TAF3: variants seen among roughly 807,000 people sequenced by gnomAD.
TAF3 encodes transcription initiation factor TFIID subunit 3.
Under a neutral mutation model 80.6 loss-of-function variants are expected in TAF3, and 7 were observed. That is an observed-to-expected ratio of 0.09 (90% confidence interval 0.05 to 0.16). The LOEUF (loss-of-function observed/expected upper bound fraction) is 0.16. Among genes scored for constraint, TAF3 ranks in the 10% least tolerant of loss-of-function variants. TAF3 has a pLI of 1.00. For synonymous variants in TAF3, 444 were observed against 446.1 expected (o/e 1.00, Z 0.06); for missense variants, 921 against 1,140.2 (o/e 0.81, Z 2.77).
chr10:7,861,654 A>G (rs1331297279), intron 2 of TAF3, among the ~76,000 whole-genome samples: 1 of 152,172 alleles, frequency 6.6e-6, no homozygotes, highest in African/African-American at 2.4e-5. Flanking sequence ...TGTTTCTGAT[A>G]AGAAGTCAGA....
intron 2 of TAF3, among the ~76,000 whole-genome samples, chr10:7,898,545 CAAAAAAAAAAAAAA>C (rs35137273): frequency 4.2e-5 from 4 of 96,206 alleles, no homozygotes; most frequent in Admixed American, 1.1e-4. Context: ...GACTCTGTCT[CAAAAAAAAAAAAAA>C]AAAAAAAAAA....
intron 2 of TAF3, among the ~76,000 whole-genome samples, chr10:7,888,019 T>C (rs1837425187): frequency 6.6e-6 from 1 of 152,308 alleles, no homozygotes; most frequent in East Asian, 1.9e-4. Context: ...TTGTGGTGAA[T>C]GTCACCCATC....
At chr10:7,939,474 CA>C (rs1837955974) in intron 2 of TAF3, among the ~76,000 whole-genome samples, 2 of 152,068 alleles carry the variant, frequency 1.3e-5, no homozygotes, top group African/African-American at 4.8e-5. Context: ...TCCAGCGACT[CA>C]CGCTTAAACA....
At chr10:7,874,760 A>G (rs1365528718) in intron 2 of TAF3, among the ~76,000 whole-genome samples, 9 of 151,794 alleles carry the variant, frequency 5.9e-5, no homozygotes, top group Admixed American at 1.3e-4. Context: ...TGAAATGTAG[A>G]TTGCATTTCT....
intron 2 of TAF3, among the ~76,000 whole-genome samples, chr10:7,877,733 G>T (rs992295750): frequency 6.7e-6 from 1 of 149,648 alleles, no homozygotes; most frequent in Non-Finnish European, 1.5e-5. Context: ...TTGTGATGAA[G>T]TGACTTGGCC....
At chr10:7,880,155 C>G (rs1837347066) in intron 2 of TAF3, among the ~76,000 whole-genome samples, 2 of 152,164 alleles carry the variant, frequency 1.3e-5, no homozygotes, top group African/African-American at 4.8e-5. Context: ...GGGAGAATCA[C>G]CTGAGCCCGG....
intron 1 of TAF3, among the ~76,000 whole-genome samples, chr10:7,820,754 C>T (rs1313521707): frequency 6.6e-6 from 1 of 152,234 alleles, no homozygotes; most frequent in Non-Finnish European, 1.5e-5. Flanking sequence ...CTCAGCATTT[C>T]AAAGTGCTGG....
chr10:8,001,727 A>C (rs1391051265), intron 4 of TAF3, among the ~76,000 whole-genome samples: 2 of 152,160 alleles, frequency 1.3e-5, no homozygotes, highest in African/African-American at 4.8e-5. Context: ...CCTAATTTTT[A>C]AGACGTTTAG....
chr10:7,981,433 G>A (rs7087039), intron 4 of TAF3, among the ~76,000 whole-genome samples: 54,949 of 152,044 alleles, frequency 0.36, 10,940 homozygotes, highest in Admixed American at 0.49. Context: ...GCATGGTCAT[G>A]TTTTCTCTAA....
chr10:7,843,393 G>A (rs1207955036), intron 2 of TAF3, among the ~76,000 whole-genome samples: 1 of 152,008 alleles, frequency 6.6e-6, no homozygotes, highest in African/African-American at 2.4e-5. Context: ...ACAGGCATGA[G>A]CCACCGTTCC....
At chr10:7,834,111 T>C (rs1328086099) in intron 2 of TAF3, among the ~76,000 whole-genome samples, 1 of 152,250 alleles carries the variant, frequency 6.6e-6, no homozygotes, top group Admixed American at 6.5e-5. Context: ...GAGCCCCTTG[T>C]CAGATGTGTG....
chr10:7,974,148 A>T (rs1186690832), intron 3 of TAF3, among the ~76,000 whole-genome samples: 1 of 151,266 alleles, frequency 6.6e-6, no homozygotes, highest in African/African-American at 2.4e-5. Flanking sequence ...ACACACACAC[A>T]CACACACACA....
intron 2 of TAF3, among the ~76,000 whole-genome samples, chr10:7,828,954 C>T (rs943277634): frequency 1.6e-4 from 23 of 144,634 alleles, no homozygotes; most frequent in Non-Finnish European, 2.7e-4. Context: ...CACTTGAATC[C>T]GGGAGGCAGA....
chr10:7,932,669 A>ATTTTTTTTTTTTTTTTTTTT (rs34907761), intron 2 of TAF3, among the ~76,000 whole-genome samples: 1 of 78,810 alleles, frequency 1.3e-5, no homozygotes, highest in African/African-American at 5.8e-5. Context: ...GTTCCACTTA[A>ATTTTTTTTTTTTTTTTTTTT]TTTTTTTTTT....
chr10:7,930,778 T>A (rs1837861247), intron 2 of TAF3, among the ~76,000 whole-genome samples: 1 of 151,842 alleles, frequency 6.6e-6, no homozygotes, highest in African/African-American at 2.4e-5. Context: ...TGGTATCCAT[T>A]TTTTTTTCTG....
rs1837969344 is a variant in TAF3 at position 7,940,868 on chromosome 10, A to G, written c.410-23052A>G. 3.3e-5 allele frequency among the ~76,000 whole-genome samples: 5 copies of G among 151,990 alleles called. No homozygotes were observed. In the South Asian group the frequency reaches 6.2e-4, roughly 19 times the overall value. ...CAGCTACTTGGGAGACTGAGGTAAG[A>G]GGATCACTTGGACCCAGGAGTTTGA... On this transcript the variant is annotated intron_variant, in intron 2 of 6. Transcript: ENST00000344293.
intron 2 of TAF3, among the ~76,000 whole-genome samples, chr10:7,898,000 A>T (rs1346496615): frequency 6.6e-6 from 1 of 151,772 alleles, no homozygotes; most frequent in African/African-American, 2.4e-5. Context: ...TTGGATGTTG[A>T]ATCTCTTGAA....
chr10:7,961,956 C>T (rs1831505879), intron 2 of TAF3, among the ~76,000 whole-genome samples: 1 of 152,052 alleles, frequency 6.6e-6, no homozygotes, highest in African/African-American at 2.4e-5. Context: ...CTCAGGTGAC[C>T]CTTGCACCTC....
At chr10:7,850,961 C>T (rs1283113787) in intron 2 of TAF3, among the ~76,000 whole-genome samples, 1 of 152,008 alleles carries the variant, frequency 6.6e-6, no homozygotes, top group Non-Finnish European at 1.5e-5. Flanking sequence ...GTGCCAGTCA[C>T]TATCATGAAC....
Sources: gnomAD v4.1 joint callset for allele counts (sites outside exome capture counted in the v4.1 genomes callset) on GRCh38, gnomAD v4.1.1 for gene constraint, MANE v1.5 for transcripts, NCBI Gene and HGNC (gene_info 2026-07-23, HGNC 2026-07-21) for gene names.